The following ZNF718 variants were observed in gnomAD, a reference collection of about 807,000 sequenced individuals.
ZNF718 encodes the protein zinc finger protein 718.
A neutral mutation model predicts 2.6 loss-of-function variants in ZNF718; 3 were observed. The ratio of observed to expected loss-of-function variants is 1.16; its 90% confidence interval spans 0.53 to 3.01. The LOEUF (loss-of-function observed/expected upper bound fraction) is 3.01, where lower values mean the gene tolerates loss of function less well. ZNF718 is among the 30% of genes most tolerant of loss of function. ZNF718 has a pLI of 0.03. For missense variants in ZNF718, 468 were observed against 230.0 expected (o/e 2.03, Z -6.69); for synonymous variants, 135 against 77.9 (o/e 1.73, Z -3.86).
At chr4:178,129 T>G (rs1717386039) in intron 3 of ZNF718, among the ~76,000 whole-genome samples, 1 of 150,044 alleles carries the variant, frequency 6.7e-6, no homozygotes, top group Admixed American at 6.8e-5. Context: ...TGCTGGATTG[T>G]ATGATAATTT....
At position 161,359 on chromosome 4, in the gene ZNF718, A is replaced by G; in HGVS notation, c.674A>G (p.Lys225Arg). 2 of 779,132 alleles carry G rather than the reference A, an allele frequency of 2.6e-6. No homozygotes were observed. Among genetic ancestry groups the G allele is most frequent in the Non-Finnish European group, 4.8e-6 (2 of 417,402 alleles). The allele number at this position is 779,132 out of a possible 1,614,324, so 48.3% of individuals were successfully genotyped here. A position where few individuals can be genotyped will look rare whatever the true frequency, so the allele number is the denominator to read the frequency against. The change falls in exon 4 of 4, where the codon AAA becomes AGA. Residue 225 changes from lysine to arginine, a missense_variant. Transcript: ENST00000510175. ...TKHKRIHAREKFYKCEECGKG... is the reference protein window; with the variant it reads ...TKHKRIHARERFYKCEECGKG... ...CATAAGAGAATTCATGCCAGAGAGA[A>G]ATTCTACAAGTGTGAAGAATGTGGT...
At chr4:182,441 T>G (rs1717487245) in intron 3 of ZNF718, among the ~76,000 whole-genome samples, 1 of 127,736 alleles carries the variant, frequency 7.8e-6, no homozygotes, top group Non-Finnish European at 1.7e-5. Flanking sequence ...TTTATTTATT[T>G]ATTTATTTTT....
chr4:127,262 A>C (rs1715262588), intron 1 of ZNF718, among the ~76,000 whole-genome samples: 1 of 104,868 alleles, frequency 9.5e-6, no homozygotes, highest in South Asian at 2.9e-4. Context: ...TTGTATGACA[A>C]AGTGCAGCAA....
intron 3 of ZNF718, among the ~76,000 whole-genome samples, chr4:196,873 A>G (rs193136782): frequency 6.6e-6 from 1 of 151,938 alleles, no homozygotes. Flanking sequence ...TTTTCCTCCA[A>G]TTCTAAGGAA....
intron 3 of ZNF718, among the ~76,000 whole-genome samples, chr4:134,025 A>G (rs1715444794): frequency 6.6e-6 from 1 of 152,210 alleles, no homozygotes; most frequent in South Asian, 2.1e-4. Flanking sequence ...AATGTACTTT[A>G]GATTTTTCAG....
At chr4:184,288 G>T (rs1381309559) in intron 3 of ZNF718, among the ~76,000 whole-genome samples, 1 of 152,044 alleles carries the variant, frequency 6.6e-6, no homozygotes, top group Non-Finnish European at 1.5e-5. Context: ...GTCCTTAGTT[G>T]TGTTTATGTG....
At chr4:145,607 C>T (rs1716015507) in intron 3 of ZNF718, among the ~76,000 whole-genome samples, 1 of 152,022 alleles carries the variant, frequency 6.6e-6, no homozygotes, top group Non-Finnish European at 1.5e-5. Context: ...GGACTACAAG[C>T]ACAAGTCTGT....
chr4:128,436 A>G lies in ZNF718; in HGVS notation c.4-2352A>G, dbSNP rs1715283606. 4.9e-5 allele frequency among the ~76,000 whole-genome samples: 5 copies of G among 102,966 alleles called. No homozygotes were observed. The South Asian group carries it at 1.5e-3, about 32-fold the overall frequency. 67.5% of individuals were successfully genotyped at this position (102,966 alleles called of 152,430 possible). On this transcript the variant is annotated intron_variant, in intron 1 of 3. Coordinates refer to ENST00000510175, the MANE Select transcript of ZNF718 (RefSeq NM_001039127.6). ...CAAAATATCCAGAGCCTTAATGACAACCATAATCACAAGTGTACCTTCCTC... is the reference window on the plus strand; with the variant it reads ...CAAAATATCCAGAGCCTTAATGACAGCCATAATCACAAGTGTACCTTCCTC...
At chr4:195,402 G>T (rs1209446810) in intron 3 of ZNF718, among the ~76,000 whole-genome samples, 1 of 152,082 alleles carries the variant, frequency 6.6e-6, no homozygotes, top group Non-Finnish European at 1.5e-5. Flanking sequence ...ACCATCTGTT[G>T]TCCTGTCCTG....
rs1716951908 is a variant in ZNF718 at position 162,752 on chromosome 4, A to G, written c.*630A>G. The G allele has an allele frequency of 6.6e-6, 1 of 152,228 alleles. No homozygotes were observed. Among genetic ancestry groups the G allele is most frequent in the East Asian group, 1.9e-4 (1 of 5,200 alleles). The allele number at this position is 152,228 out of a possible 1,614,324, so 9.4% of individuals were successfully genotyped here. A position where few individuals can be genotyped will look rare whatever the true frequency, so the allele number is the denominator to read the frequency against. On this transcript the variant is annotated 3_prime_UTR_variant, in exon 4 of 4. Transcript: ENST00000510175. Reference sequence around the variant, plus strand: ...ATTGGAAAGAAATTTTACAAATGTAATAAATTTGGAAAAGCATTTGTTCAA... The same window carrying G: ...ATTGGAAAGAAATTTTACAAATGTAGTAAATTTGGAAAAGCATTTGTTCAA...
chr4:198,699 T>C (rs1466733552), intron 3 of ZNF718, among the ~76,000 whole-genome samples: 3 of 152,188 alleles, frequency 2.0e-5, no homozygotes, highest in Non-Finnish European at 4.4e-5. Context: ...CTTTCAGCCC[T>C]GGGAAGCAGC....
chr4:125,123 G>T (rs1167027079), intron 1 of ZNF718: 1 of 160,064 alleles, frequency 6.2e-6, no homozygotes, highest in Non-Finnish European at 1.4e-5. Flanking sequence ...TTGAAGGAAA[G>T]GCTTTTGTGA....
intron 1 of ZNF718, among the ~76,000 whole-genome samples, chr4:126,106 C>T (rs10009670): frequency 0.53 from 79,911 of 152,038 alleles, 21,355 homozygotes; most frequent in East Asian, 0.78. Context: ...TAGCTCCTTG[C>T]TGTCTTGTGC....
chr4:183,176 A>G (rs1287131080), intron 3 of ZNF718, among the ~76,000 whole-genome samples: 1 of 152,130 alleles, frequency 6.6e-6, no homozygotes, highest in East Asian at 1.9e-4. Flanking sequence ...TGATTTTTGT[A>G]TATGGTGTAA....
intron 3 of ZNF718, among the ~76,000 whole-genome samples, chr4:134,291 T>C (rs1715461426): frequency 6.6e-6 from 1 of 152,030 alleles, no homozygotes; most frequent in African/African-American, 2.4e-5. Flanking sequence ...GGACTACAGG[T>C]GCCCGCCACC....
At position 161,795 on chromosome 4, in the gene ZNF718, A is replaced by G. The variant is rs1716883055; in HGVS notation, c.1110A>G (p.Glu370=). ...IHTGEKPYTC[E]ECGKAFNWSS... The stretch of plus-strand genomic sequence containing the variant: ...CTGGAGAGAAACCCTACACATGTGA[A>G]GAATGTGGAAAAGCCTTTAATTGGT... Residue 370 remains glutamate, a synonymous_variant, in exon 4 of 4, where the codon GAA becomes GAG. Coordinates refer to ENST00000510175, the MANE Select transcript of ZNF718 (RefSeq NM_001039127.6). The G allele has an allele frequency of 3.8e-6, 3 of 780,792 alleles. No individual in the cohort carries two copies. The highest frequency in any genetic ancestry group is 7.2e-6 in the Non-Finnish European group (3 of 418,018). 48.4% of individuals were successfully genotyped at this position (780,792 alleles called of 1,614,324 possible). A position where few individuals can be genotyped will look rare whatever the true frequency, so the allele number is the denominator to read the frequency against.
At chr4:196,582 TA>T (rs1207256049) in intron 3 of ZNF718, among the ~76,000 whole-genome samples, 1 of 151,922 alleles carries the variant, frequency 6.6e-6, no homozygotes, top group Non-Finnish European at 1.5e-5. Context: ...GAAGGAAAGG[TA>T]GGGGTGCATG....
intron 3 of ZNF718, among the ~76,000 whole-genome samples, chr4:199,510 C>T (rs182380195): frequency 2.0e-5 from 3 of 152,070 alleles, no homozygotes; most frequent in Non-Finnish European, 2.9e-5. Context: ...TAGCAACTAA[C>T]TCAATTTCCT....
At chr4:148,591 A>C (rs1444842234) in intron 3 of ZNF718, among the ~76,000 whole-genome samples, 8 of 146,100 alleles carry the variant, frequency 5.5e-5, no homozygotes, top group Non-Finnish European at 1.0e-4. Context: ...AGCCAAGGTG[A>C]CAGAGTGAGA....
Sources: allele counts gnomAD v4.1 joint callset (sites outside exome capture counted in the v4.1 genomes callset), GRCh38; gene constraint gnomAD v4.1.1; transcripts MANE v1.5; gene names NCBI Gene and HGNC (gene_info 2026-07-23, HGNC 2026-07-21).